Variants in OTULIN observed in about 807,000 individuals in gnomAD.
OTULIN encodes the protein ubiquitin thioesterase otulin.
OTULIN carries 15 observed loss-of-function variants against 39.6 expected under a neutral mutation model. That is an observed-to-expected ratio of 0.38 (90% CI 0.25 to 0.58). The LOEUF (loss-of-function observed/expected upper bound fraction) is 0.58, where lower values mean the gene tolerates loss of function less well. OTULIN is among the 20% of genes least tolerant of loss of function. The pLI, the probability that OTULIN is intolerant of heterozygous loss-of-function variation, is 0.66. For missense variants in OTULIN, 319 were observed against 445.9 expected, an observed-to-expected ratio of 0.72 and a Z score of 2.56; for synonymous variants, 156 against 170.3, an observed-to-expected ratio of 0.92 and a Z score of 0.65.
chr5:14,684,838 T>C (rs1417995364), intron 4 of OTULIN, among the ~76,000 whole-genome samples: 1 of 152,256 alleles, frequency 6.6e-6, no homozygotes, highest in Non-Finnish European at 1.5e-5. Flanking sequence ...TCCTTTCTGC[T>C]GCTGCTCAGC....
intron 1 of OTULIN, among the ~76,000 whole-genome samples, chr5:14,668,743 G>A (rs941934653): frequency 6.6e-6 from 1 of 152,166 alleles, no homozygotes; most frequent in African/African-American, 2.4e-5. Context: ...ATTCTGTCTT[G>A]TTAGCTTTGC....
chr5:14,668,935 T>C (rs917694767), intron 1 of OTULIN, among the ~76,000 whole-genome samples: 5 of 152,220 alleles, frequency 3.3e-5, no homozygotes, highest in Non-Finnish European at 5.9e-5. Context: ...TTTTCAAAAA[T>C]TGGTTGGTAT....
intron 5 of OTULIN, among the ~76,000 whole-genome samples, chr5:14,689,255 A>G (rs555924114): frequency 1.2e-4 from 19 of 152,356 alleles, no homozygotes; most frequent in East Asian, 5.8e-4. Context: ...ACCAGCCTTC[A>G]GCCCAAATAT....
chr5:14,713,793 C>T, the OTULIN span: 15 of 1,351,102 alleles, frequency 1.1e-5, no homozygotes, highest in Middle Eastern at 2.5e-4. The surrounding 1 kb of genome is among the most constrained non-coding windows in gnomAD (Gnocchi z 4.4). Context: ...GCTGTTGAGC[C>T]GCTGGCCACC....
At chr5:14,686,021 T>G (rs563333555) in intron 4 of OTULIN, among the ~76,000 whole-genome samples, 22 of 152,282 alleles carry the variant, frequency 1.4e-4, no homozygotes, top group African/African-American at 5.3e-4. Context: ...TCTAATAAGA[T>G]GAGGAGGAGA....
At chr5:14,712,755 G>T in the OTULIN span, 3 of 1,000,762 alleles carry the variant, frequency 3.0e-6, no homozygotes, top group Non-Finnish European at 4.6e-6. Context: ...AGACTGGGCA[G>T]TGTCACCAAG....
rs1383851588 is a variant in OTULIN, at chr5:14,692,961, C to G, written c.972C>G (p.Pro324=). 6.2e-7 allele frequency: 1 copy of G among 1,614,212 alleles called. No individual in the cohort carries two copies. The highest frequency in any genetic ancestry group is 1.3e-5 in the African/African-American group (1 of 75,046). ...EFITVYPTDP[P]KDWPVVTLIA... ...TCACAGTCTACCCCACCGACCCACC[C>G]AAGGACTGGCCAGTGGTAACGCTCA... The change falls in exon 7 of 7, where the codon CCC becomes CCG. Residue 324 remains proline, a synonymous_variant. Transcript: ENST00000284274.
intron 1 of OTULIN, among the ~76,000 whole-genome samples, chr5:14,666,588 C>G (rs1735852120): frequency 6.6e-6 from 1 of 152,264 alleles, no homozygotes; most frequent in Non-Finnish European, 1.5e-5. Context: ...TTTTTTCCCC[C>G]CTTGGTTTGC....
At position 14,664,855 on chromosome 5, in the gene OTULIN, A is replaced by G; in HGVS notation, c.30A>G (p.Glu10=). The G allele has an allele frequency of 8.3e-7, 1 of 1,210,308 alleles. No individual in the cohort carries two copies. Among genetic ancestry groups the G allele is most frequent in the South Asian group, 3.9e-5 (1 of 25,368 alleles). 75.0% of individuals were successfully genotyped at this position (1,210,308 alleles called of 1,614,324 possible). The change falls in exon 1 of 7, where the codon GAA becomes GAG. Residue 10 remains glutamate, a synonymous_variant. Transcript: ENST00000284274. Reference sequence around the variant, plus strand: ...GTCGGGGGACTATGCCCCAGCCCGAAGCGTGGCCAGGCGCGAGCTGCGCCG... The same window carrying G: ...GTCGGGGGACTATGCCCCAGCCCGAGGCGTGGCCAGGCGCGAGCTGCGCCG... MSRGTMPQP[E]AWPGASCAET...
At chr5:14,689,496 C>T (rs972790107) in intron 5 of OTULIN, among the ~76,000 whole-genome samples, 38 of 152,104 alleles carry the variant, frequency 2.5e-4, no homozygotes, top group African/African-American at 7.7e-4. Context: ...ATTCTTAATC[C>T]GGAGTCAAGA....
chr5:14,703,929 A>T (rs1355640723), downstream of OTULIN, among the ~76,000 whole-genome samples: 1 of 152,222 alleles, frequency 6.6e-6, no homozygotes, highest in Non-Finnish European at 1.5e-5. Flanking sequence ...GATGCCTAGA[A>T]TCTTACTGAC....
chr5:14,685,702 T>C (rs1212768853), intron 4 of OTULIN, among the ~76,000 whole-genome samples: 2 of 152,214 alleles, frequency 1.3e-5, no homozygotes, highest in African/African-American at 4.8e-5. Flanking sequence ...AGTAATTCAG[T>C]TGAGTACTGT....
In OTULIN at chr5:14,668,834, C is replaced by T. The variant is rs563834060; in HGVS notation, c.152+3857C>T. On this transcript the variant is annotated intron_variant, in intron 1 of 6. Transcript: ENST00000284274. ...AAAACTGGCTTCACAGAAATGCCTT[C>T]GGCTTCACTAAGTTCTGCTTTTAAC... 3.5e-4 allele frequency among the ~76,000 whole-genome samples: 54 copies of T among 152,282 alleles called. 1 individual carries two copies. The South Asian group carries it at 0.01, about 29-fold the overall frequency.
At chr5:14,688,706 T>C (rs951680494) in intron 5 of OTULIN, among the ~76,000 whole-genome samples, 2 of 152,212 alleles carry the variant, frequency 1.3e-5, no homozygotes, top group African/African-American at 4.8e-5. Context: ...GGAAATTCCA[T>C]TCTTGTTACC....
Position 14,694,245 on chromosome 5 carries a change from A to G in OTULIN, c.*1197A>G, listed in dbSNP as rs1736608406. On this transcript the variant is annotated 3_prime_UTR_variant, in exon 7 of 7. Transcript: ENST00000284274. Reference sequence around the variant, plus strand: ...TGATTGGTTTTGGGAAGCCTGAGGGAGGCAGCCTTCCTGGCTATGAGCCAT... The same window carrying G: ...TGATTGGTTTTGGGAAGCCTGAGGGGGGCAGCCTTCCTGGCTATGAGCCAT... The G allele has an allele frequency of 6.6e-6, 1 of 152,302 alleles. No homozygotes were observed. The highest frequency in any genetic ancestry group is 1.5e-5 in the Non-Finnish European group (1 of 68,096). 9.4% of individuals were successfully genotyped at this position (152,302 alleles called of 1,614,324 possible). A position where few individuals can be genotyped will look rare whatever the true frequency, so the allele number is the denominator to read the frequency against.
intron 1 of OTULIN, among the ~76,000 whole-genome samples, chr5:14,666,635 T>C (rs1311349611): frequency 6.6e-6 from 1 of 152,192 alleles, no homozygotes; most frequent in South Asian, 2.1e-4. Context: ...TCCCGGTTTG[T>C]GTGTGTGGTT....
chr5:14,665,691 CACAG>C lies in OTULIN; in HGVS notation c.152+719_152+722del, dbSNP rs368726375. Among the ~76,000 whole-genome samples the C allele has an allele frequency of 2.6e-4, 39 of 152,194 alleles. No individual in the cohort carries two copies. The East Asian group carries it at 2.7e-3, about 11-fold the overall frequency. On this transcript the variant is annotated intron_variant, in intron 1 of 6. Coordinates refer to ENST00000284274, the MANE Select transcript of OTULIN (RefSeq NM_138348.6). ...TGGAATTTAAGAAATTATGAAAGCA[CACAG>C]ACAGCCAGTTTGACAGATATTTTAA...
At chr5:14,711,494 TCTGTGTGCCTG>T in the OTULIN span, among the ~76,000 whole-genome samples, 60 of 152,282 alleles carry the variant, frequency 3.9e-4, no homozygotes, top group South Asian at 1.5e-3. Context: ...AGTTTGGTTG[TCTGTGTGCCTG>T]CTGTGTGCCT....
rs181280108 is a variant in OTULIN, at chr5:14,698,142, T to C, written c.*5094T>C. On this transcript the variant is annotated 3_prime_UTR_variant, in exon 7 of 7. Coordinates refer to ENST00000284274, the MANE Select transcript of OTULIN (RefSeq NM_138348.6). ...AAATATTTTGGTATTGTTGCCTGCA[T>C]TTTAGCCACTTCTAACTTTTTGTAT... The C allele has an allele frequency of 7.2e-5, 11 of 152,358 alleles. No homozygotes were observed. The highest frequency in any genetic ancestry group is 1.3e-4 in the Admixed American group (2 of 15,306). The allele number at this position is 152,358 out of a possible 1,614,324, so 9.4% of individuals were successfully genotyped here. A position where few individuals can be genotyped will look rare whatever the true frequency, so the allele number is the denominator to read the frequency against.
Sources: allele counts gnomAD v4.1 joint callset (sites outside exome capture counted in the v4.1 genomes callset), GRCh38; gene constraint gnomAD v4.1.1; non-coding constraint Gnocchi (gnomAD v3.1); transcripts MANE v1.5; gene names NCBI Gene and HGNC (gene_info 2026-07-23, HGNC 2026-07-21).